ERCC3: variants seen among roughly 807,000 people sequenced by gnomAD.
ERCC3 encodes general transcription and DNA repair factor IIH helicase/translocase subunit XPB.
ERCC3 carries 66 observed loss-of-function variants against 94.2 expected under a neutral mutation model. That is an observed-to-expected ratio of 0.70 (90% CI 0.57 to 0.86). ERCC3 has a LOEUF of 0.86. Among genes scored for constraint, ERCC3 ranks in the 40% least tolerant of loss-of-function variants. The pLI is 0.00. For missense variants in ERCC3, 829 were observed against 987.1 expected (o/e 0.84, Z 2.15); for synonymous variants, 349 against 369.1 (o/e 0.95, Z 0.63).
intron 10 of ERCC3, 119 bp from the exon 11 acceptor site, chr2:127,273,080 A>G (rs1424484270): frequency 4.3e-6 from 3 of 691,132 alleles, no homozygotes; most frequent in African/African-American, 1.8e-5. Context: ...CTCGTCATGT[A>G]GGAATATCGT....
chr2:127,272,262 T>C lies in ERCC3; in HGVS notation c.1827+603A>G, dbSNP rs186341094. Among the ~76,000 whole-genome samples, 353 of 152,206 alleles carry C rather than the reference T, an allele frequency of 2.3e-3. 1 individual carries two copies. Among genetic ancestry groups the C allele is most frequent in the African/African-American group, 7.7e-3 (319 of 41,532 alleles). On this transcript the variant is annotated intron_variant, in intron 11 of 14. Transcript: ENST00000285398. The stretch of plus-strand genomic sequence containing the variant: ...CTGGTCTCGAACTCCTGACCTCCGG[T>C]GATCCACCCGCCTCAGCCTCCCAAA...
In ERCC3 at chr2:127,258,492, C is replaced by T. The variant is rs946019896; in HGVS notation, c.2218-765G>A. ...GGCACCTCCTTAAAACCAGTGAGAG[C>T]AATGAGAGCACTCTCCTGGGTTCCC... On this transcript the variant is annotated intron_variant, in intron 14 of 14. Coordinates refer to ENST00000285398, the MANE Select transcript of ERCC3 (RefSeq NM_000122.2). This position sits in a 1 kb window ranked among gnomAD's most constrained non-coding sequence, Gnocchi z 4.1. Among the ~76,000 whole-genome samples the T allele has an allele frequency of 3.9e-5, 6 of 152,156 alleles. No individual in the cohort carries two copies. The highest frequency in any genetic ancestry group is 1.4e-4 in the African/African-American group (6 of 41,444).
chr2:127,276,114 T>C (rs1311197414), intron 10 of ERCC3, among the ~76,000 whole-genome samples: 2 of 152,196 alleles, frequency 1.3e-5, no homozygotes, highest in African/African-American at 4.8e-5. Context: ...AAGGCAAGAC[T>C]GAATGCAAAG....
chr2:127,263,096 G>C (rs1259276518), intron 12 of ERCC3, among the ~76,000 whole-genome samples: 1 of 152,170 alleles, frequency 6.6e-6, no homozygotes. Flanking sequence ...ATACTGTGAG[G>C]CCTTTGGCTT....
In ERCC3 at chr2:127,267,179, A is replaced by T. The variant is rs547406876; in HGVS notation, c.1945+4157T>A. Among the ~76,000 whole-genome samples, 73 of 152,294 alleles carry T rather than the reference A, an allele frequency of 4.8e-4. 1 individual carries two copies. The highest frequency in any genetic ancestry group is 1.6e-3 in the African/African-American group (68 of 41,570). ...GTTTTCTGCCTCTATAATCTGTCTC[A>T]TGCTGTCAGTGGGGTGTCAAAATCT... On this transcript the variant is annotated intron_variant, in intron 12 of 14. Coordinates refer to ENST00000285398, the MANE Select transcript of ERCC3 (RefSeq NM_000122.2).
intron 8 of ERCC3, among the ~76,000 whole-genome samples, chr2:127,285,726 C>T (rs1685043542): frequency 6.6e-6 from 1 of 151,756 alleles, no homozygotes; most frequent in Non-Finnish European, 1.5e-5. Flanking sequence ...TAGTACACAC[C>T]TGTAGTCCCA....
In ERCC3 at chr2:127,293,697, C is replaced by A. The variant is rs771417265; in HGVS notation, c.50G>T (p.Arg17Leu). The change falls in exon 2 of 15, where the codon CGG (arginine) becomes CTG (leucine). Residue 17 changes from arginine to leucine, a missense_variant. Physicochemically the swap from Arg to Leu is moderately radical, Grantham distance 102 (BLOSUM62 -2). Coordinates refer to ENST00000285398, the MANE Select transcript of ERCC3 (RefSeq NM_000122.2). ...ADRDKKKSRK[R>L]HYEDEEDDEE... ...ATCATCCTCTTCATCCTCATAGTGC[C>A]GCTTCCTGGATTTCTTCTTGTCTGC... The A allele has an allele frequency of 1.9e-6, 3 of 1,613,284 alleles. No individual in the cohort carries two copies. The highest frequency in any genetic ancestry group is 2.5e-6 in the Non-Finnish European group (3 of 1,180,022).
At chr2:127,265,318 T>C (rs1488237730) in intron 12 of ERCC3, among the ~76,000 whole-genome samples, 1 of 152,232 alleles carries the variant, frequency 6.6e-6, no homozygotes, top group Non-Finnish European at 1.5e-5. Flanking sequence ...TGAGAATCTT[T>C]TGTATTTCTG....
In ERCC3 at chr2:127,264,624, AT is replaced by A. The variant is rs745465605; in HGVS notation, c.1946-3279del. On this transcript the variant is annotated intron_variant, in intron 12 of 14. Coordinates refer to ENST00000285398, the MANE Select transcript of ERCC3 (RefSeq NM_000122.2). The surrounding 1 kb of genome is among the most constrained non-coding windows in gnomAD (Gnocchi z 4.4). Reference sequence around the variant, plus strand: ...GATTGTGGTGAATTAACTTTTTGATATGCTGCTGGATTTGCTTTGTCCTCAT... The same window carrying A: ...GATTGTGGTGAATTAACTTTTTGATAGCTGCTGGATTTGCTTTGTCCTCAT... 7.2e-5 allele frequency among the ~76,000 whole-genome samples: 11 copies of A among 152,160 alleles called. No individual in the cohort carries two copies. Among genetic ancestry groups the A allele is most frequent in the Non-Finnish European group, 1.3e-4 (9 of 68,024 alleles).
intron 12 of ERCC3, among the ~76,000 whole-genome samples, chr2:127,265,927 T>C (rs1021839250): frequency 6.6e-6 from 1 of 152,220 alleles, no homozygotes; most frequent in African/African-American, 2.4e-5. Flanking sequence ...TGTTCAGTGC[T>C]ATAAACTTTC....
Position 127,284,037 on chromosome 2 carries a change from C to G in ERCC3, c.1342+2666G>C, listed in dbSNP as rs564517951. The G allele has an allele frequency of 1.3e-5, 2 of 152,334 alleles. No individual in the cohort carries two copies. The highest frequency in any genetic ancestry group is 2.4e-5 in the African/African-American group (1 of 41,562). 9.4% of individuals were successfully genotyped at this position (152,334 alleles called of 1,614,324 possible). The stretch of plus-strand genomic sequence containing the variant: ...TCAATTAATGCCCACTGTATCCTCC[C>G]TTTGTTCAAGCCAAAAACCTTAGTG... On this transcript the variant is annotated intron_variant, in intron 8 of 14. Coordinates refer to ENST00000285398, the MANE Select transcript of ERCC3 (RefSeq NM_000122.2). The surrounding 1 kb of genome is among the most constrained non-coding windows in gnomAD (Gnocchi z 4.1).
rs1684947783 is a variant in ERCC3 at position 127,282,519 on chromosome 2, GCT to G, written c.1343-1890_1343-1889del. 3.3e-5 allele frequency among the ~76,000 whole-genome samples: 5 copies of G among 152,290 alleles called. No homozygotes were observed. In the South Asian group the frequency reaches 1.0e-3, roughly 32 times the overall value. ...ATCATTAATAAAAAGGCATAACAGA[GCT>G]CCTTTTGAAAAATCTGTAAAACAGC... On this transcript the variant is annotated intron_variant, in intron 8 of 14. Coordinates refer to ENST00000285398, the MANE Select transcript of ERCC3 (RefSeq NM_000122.2).
chr2:127,261,603 G>T (rs1019419713), intron 12 of ERCC3: 2 of 453,914 alleles, frequency 4.4e-6, no homozygotes, highest in Non-Finnish European at 4.1e-6. Context: ...TTGTATCTAG[G>T]TTATACAAAG....
Position 127,277,997 on chromosome 2 carries a change from G to C in ERCC3, c.1730+1176C>G, listed in dbSNP as rs1277888966. ...CTCATGACTCTAATCCCAGCACTTT[G>C]GGAGGCCAAGGCAGGAGGAACTGCT... On this transcript the variant is annotated intron_variant, in intron 10 of 14. Transcript: ENST00000285398. The surrounding 1 kb of genome is among the most constrained non-coding windows in gnomAD (Gnocchi z 5.1). 6.6e-6 allele frequency among the ~76,000 whole-genome samples: 1 copy of C among 152,152 alleles called. No homozygotes were observed. The highest frequency in any genetic ancestry group is 2.4e-5 in the African/African-American group (1 of 41,442).
At chr2:127,266,474 T>TACAG (rs1445979012) in intron 12 of ERCC3, among the ~76,000 whole-genome samples, 1 of 150,866 alleles carries the variant, frequency 6.6e-6, no homozygotes. Flanking sequence ...TAGCTGAGAC[T>TACAG]ACAGGCAACT....
In ERCC3 at chr2:127,279,871, T is replaced by C. The variant is rs187814039; in HGVS notation, c.1528-496A>G. On this transcript the variant is annotated intron_variant, in intron 9 of 14. Transcript: ENST00000285398. The surrounding 1 kb of genome is among the most constrained non-coding windows in gnomAD (Gnocchi z 4.7). ...TATTGAACTGGACGTTTTCACATGTTAACCACTTAAAAGATTTTTAAATGC... is the reference window on the plus strand; with the variant it reads ...TATTGAACTGGACGTTTTCACATGTCAACCACTTAAAAGATTTTTAAATGC... Among the ~76,000 whole-genome samples the C allele has an allele frequency of 2.3e-3, 354 of 152,322 alleles. 1 individual carries two copies. The highest frequency in any genetic ancestry group is 7.7e-3 in the African/African-American group (321 of 41,574).
Position 127,267,429 on chromosome 2 carries a change from C to CT in ERCC3, c.1945+3906dup, listed in dbSNP as rs372128714. On this transcript the variant is annotated intron_variant, in intron 12 of 14. Coordinates refer to ENST00000285398, the MANE Select transcript of ERCC3 (RefSeq NM_000122.2). ...AAGAATAGTGACCCCCTGCCCCACT[C>CT]TTTTTTTTTTTTTATTTGTGTGATA... Among the ~76,000 whole-genome samples, 1,439 of 144,166 alleles carry CT rather than the reference C, an allele frequency of 1.0e-2. 12 individuals are homozygous for CT. The highest frequency in any genetic ancestry group is 0.016 in the Admixed American group (226 of 14,404). The allele number at this position is 144,166 out of a possible 152,430, so 94.6% of individuals were successfully genotyped here. A position where few individuals can be genotyped will look rare whatever the true frequency, so the allele number is the denominator to read the frequency against.
At position 127,259,698 on chromosome 2, in the gene ERCC3, C is replaced by T. The variant is rs570003641; in HGVS notation, c.2065-250G>A. 2.7e-4 allele frequency: 144 copies of T among 530,450 alleles called. 3 individuals carry two copies. Among genetic ancestry groups the T allele is most frequent in the South Asian group, 2.6e-3 (130 of 50,364 alleles). The allele number at this position is 530,450 out of a possible 1,614,324, so 32.9% of individuals were successfully genotyped here. A position where few individuals can be genotyped will look rare whatever the true frequency, so the allele number is the denominator to read the frequency against. ...TTCAGAGAAATCTGCCCCCAGCACA[C>T]AGCATCTAAATGATCATGTATGGAA... On this transcript the variant is annotated intron_variant, in intron 13 of 14. Coordinates refer to ENST00000285398, the MANE Select transcript of ERCC3 (RefSeq NM_000122.2). The surrounding 1 kb of genome is among the most constrained non-coding windows in gnomAD (Gnocchi z 4.9).
chr2:127,280,371 G>A lies in ERCC3; in HGVS notation c.1527+76C>T, dbSNP rs1219109444. The A allele has an allele frequency of 8.3e-6, 11 of 1,323,036 alleles. No individual in the cohort carries two copies. The highest frequency in any genetic ancestry group is 1.2e-5 in the Non-Finnish European group (11 of 937,096). 82.0% of individuals were successfully genotyped at this position (1,323,036 alleles called of 1,614,324 possible). A position where few individuals can be genotyped will look rare whatever the true frequency, so the allele number is the denominator to read the frequency against. ...TAAGTCCTGACCTGTGTCTGCCCAT[G>A]AGGAATCGATCTGATCACTCCCCTG... On this transcript the variant is annotated intron_variant, in intron 9 of 14. Transcript: ENST00000285398. This position sits in a 1 kb window ranked among gnomAD's most constrained non-coding sequence, Gnocchi z 6.3.
Sources: gnomAD v4.1 joint callset for allele counts (sites outside exome capture counted in the v4.1 genomes callset) on GRCh38, gnomAD v4.1.1 for gene constraint, Gnocchi (gnomAD v3.1) non-coding constraint, MANE v1.5 for transcripts, NCBI Gene and HGNC (gene_info 2026-07-23, HGNC 2026-07-21) for gene names.